GLI2: variants seen among roughly 807,000 people sequenced by gnomAD.
The protein encoded by GLI2 is GLI family zinc finger 2.
In GLI2, 22 loss-of-function variants were observed where a neutral mutation model predicts 78.9. The observed-to-expected ratio is 0.28, with a 90% CI of 0.20 to 0.40. The LOEUF (loss-of-function observed/expected upper bound fraction) is 0.40. Ranked by LOEUF, GLI2 falls within the 10% of genes least tolerant of loss-of-function variation. The pLI is 1.00. For synonymous variants in GLI2, 974 were observed against 963.7 expected (o/e 1.01, Z -0.20); for missense variants, 2,097 against 2,213.2 (o/e 0.95, Z 1.05).
intron 2 of GLI2, among the ~76,000 whole-genome samples, chr2:120,927,110 G>A (rs924546201): frequency 2.6e-5 from 4 of 152,232 alleles, no homozygotes. Context: ...CGAGTTCAAA[G>A]AGTGCTTAGC....
intron 2 of GLI2, among the ~76,000 whole-genome samples, chr2:120,879,868 G>C (rs753610465): frequency 1.3e-5 from 2 of 152,210 alleles, no homozygotes; most frequent in Non-Finnish European, 2.9e-5. Context: ...AGAGAAGCCA[G>C]CCAGTCATTT....
Position 120,988,987 on chromosome 2 carries a change from T to C in GLI2, c.3022T>C (p.Ser1008Pro). The change falls in exon 14 of 14, where the codon TCG (serine) becomes CCG (proline). Residue 1008 changes from serine to proline, a missense_variant. This residue lies in a region of GLI2 where 1,290 missense variants were observed against 1,261.7 expected (regional missense o/e 1.02). Coordinates refer to ENST00000361492, the MANE Select transcript of GLI2 (RefSeq NM_001374353.1). ...TDGGLARGAY[S>P]PRPPSISENV... ...CGGCGGCCTGGCCCGCGGCGCCTACTCGCCCCGGCCGCCTAGCATCAGCGA... is the reference window on the plus strand; with the variant it reads ...CGGCGGCCTGGCCCGCGGCGCCTACCCGCCCCGGCCGCCTAGCATCAGCGA... 1 of 1,579,514 alleles carries C rather than the reference T, an allele frequency of 6.3e-7. No individual in the cohort carries two copies. Among genetic ancestry groups the C allele is most frequent in the Non-Finnish European group, 8.6e-7 (1 of 1,168,546 alleles).
At chr2:120,956,141 T>C (rs181473921) in intron 5 of GLI2, among the ~76,000 whole-genome samples, 83 of 151,960 alleles carry the variant, frequency 5.5e-4, no homozygotes, top group African/African-American at 1.8e-3. Context: ...GGAGGTCCAG[T>C]TGGTAGAGGT....
At chr2:120,967,010 G>T (rs991991973) in intron 5 of GLI2, among the ~76,000 whole-genome samples, 1 of 152,240 alleles carries the variant, frequency 6.6e-6, no homozygotes, top group African/African-American at 2.4e-5. Flanking sequence ...CTGCCTGGAG[G>T]AGGGGGCACC....
At chr2:120,740,211 C>T (rs556025275) in intron 1 of GLI2, among the ~76,000 whole-genome samples, 3 of 152,140 alleles carry the variant, frequency 2.0e-5, no homozygotes, top group Admixed American at 6.5e-5. Context: ...CAGATGATAA[C>T]GGTATACTTT....
intron 2 of GLI2, among the ~76,000 whole-genome samples, chr2:120,847,410 C>A (rs28584785): frequency 0.26 from 39,525 of 151,978 alleles, 6,049 homozygotes; most frequent in African/African-American, 0.42. Context: ...AAAAGCGTTT[C>A]GAGGTATGAG....
In GLI2 at chr2:120,864,205, C is replaced by A. The variant is rs1207936904; in HGVS notation, c.149-63156C>A. ...CTGGCACACACAGACGGGAGGGCTG[C>A]TTCCAGGAAAGGTAGTTCTGGGAGA... On this transcript the variant is annotated intron_variant, in intron 2 of 13. Transcript: ENST00000361492. 2.6e-5 allele frequency among the ~76,000 whole-genome samples: 4 copies of A among 152,198 alleles called. No individual in the cohort carries two copies. In the East Asian group the frequency reaches 7.7e-4, roughly 29 times the overall value.
chr2:120,921,176 T>A (rs976042464), intron 2 of GLI2, among the ~76,000 whole-genome samples: 5 of 152,002 alleles, frequency 3.3e-5, no homozygotes, highest in African/African-American at 1.2e-4. Context: ...AGACCACCAA[T>A]GAGTCAGGGT....
chr2:120,908,943 A>AC (rs922072903), intron 2 of GLI2, among the ~76,000 whole-genome samples: 2 of 151,670 alleles, frequency 1.3e-5, no homozygotes, highest in African/African-American at 2.4e-5. Context: ...TGCCTAGATC[A>AC]CCCCCCGTCT....
chr2:120,944,999 C>T (rs900233651), intron 3 of GLI2, among the ~76,000 whole-genome samples: 7 of 152,234 alleles, frequency 4.6e-5, no homozygotes, highest in African/African-American at 1.7e-4. Context: ...CTTCCCCTAA[C>T]CACCATGCTG....
intron 3 of GLI2, among the ~76,000 whole-genome samples, chr2:120,934,997 G>A (rs140661977): frequency 3.3e-4 from 51 of 152,336 alleles, no homozygotes; most frequent in African/African-American, 1.2e-4. Flanking sequence ...TCACTGAGAC[G>A]GGTGGGTTGA....
intron 2 of GLI2, among the ~76,000 whole-genome samples, chr2:120,831,912 A>G (rs1036653829): frequency 3.9e-5 from 6 of 152,224 alleles, no homozygotes; most frequent in African/African-American, 1.4e-4. Context: ...ATTATCACTT[A>G]GTCTCAGGGG....
intron 2 of GLI2, among the ~76,000 whole-genome samples, chr2:120,836,002 G>C (rs1657346856): frequency 6.6e-6 from 1 of 152,082 alleles, no homozygotes; most frequent in Non-Finnish European, 1.5e-5. Context: ...GAATTCAAAA[G>C]CAATAATCAA....
At chr2:120,777,512 C>T (rs1157924496) in intron 1 of GLI2, among the ~76,000 whole-genome samples, 4 of 148,434 alleles carry the variant, frequency 2.7e-5, no homozygotes, top group Admixed American at 6.7e-5. Flanking sequence ...GGGAGGAGCG[C>T]GGCAGGGAGG....
At chr2:120,884,503 A>G (rs1573536070) in intron 2 of GLI2, among the ~76,000 whole-genome samples, 1 of 152,164 alleles carries the variant, frequency 6.6e-6, no homozygotes, top group Non-Finnish European at 1.5e-5. Flanking sequence ...TGTGGATTTA[A>G]TGGGGTTTCC....
chr2:120,844,311 T>A (rs996262879), intron 2 of GLI2, among the ~76,000 whole-genome samples: 1 of 152,210 alleles, frequency 6.6e-6, no homozygotes, highest in Non-Finnish European at 1.5e-5. Context: ...AGTGGACAGA[T>A]TTGGCCTCAG....
intron 2 of GLI2, among the ~76,000 whole-genome samples, chr2:120,864,477 T>C (rs1688036818): frequency 6.6e-6 from 1 of 151,238 alleles, no homozygotes; most frequent in Non-Finnish European, 1.5e-5. Context: ...CACCCTCTCT[T>C]TTTTTTTTGA....
At chr2:120,900,167 C>A (rs1364221477) in intron 2 of GLI2, among the ~76,000 whole-genome samples, 2 of 152,210 alleles carry the variant, frequency 1.3e-5, no homozygotes, top group Admixed American at 6.5e-5. Flanking sequence ...AGCTTGTTTG[C>A]AGCCCCCATT....
chr2:120,900,863 G>C (rs146152257), intron 2 of GLI2, among the ~76,000 whole-genome samples: 5 of 152,298 alleles, frequency 3.3e-5, no homozygotes, highest in African/African-American at 1.2e-4. Flanking sequence ...TCAGATTTCA[G>C]AATGCGGATC....
Sources: allele counts gnomAD v4.1 joint callset (sites outside exome capture counted in the v4.1 genomes callset), GRCh38; gene constraint gnomAD v4.1.1; regional missense constraint gnomAD v4.1.1; transcripts MANE v1.5; gene names NCBI Gene and HGNC (gene_info 2026-07-23, HGNC 2026-07-21).